The following STAMBPL1 variants were observed in gnomAD, a reference collection of about 807,000 sequenced individuals.
STAMBPL1 encodes the protein AMSH-like protease.
In STAMBPL1, 44 loss-of-function variants were observed where a neutral mutation model predicts 52.9. That is an observed-to-expected ratio of 0.83 (90% confidence interval 0.65 to 1.07). The LOEUF (loss-of-function observed/expected upper bound fraction) is 1.07. Ranked by LOEUF, STAMBPL1 falls within the 50% of genes least tolerant of loss-of-function variation. The probability of loss-of-function intolerance (pLI) is 0.00; values close to 1 mark genes in which losing one functional copy is unlikely to be tolerated. For synonymous variants in STAMBPL1, 164 were observed against 177.3 expected, an observed-to-expected ratio of 0.92 and a Z score of 0.60; for missense variants, 511 against 520.8, an observed-to-expected ratio of 0.98 and a Z score of 0.18.
intron 1 of STAMBPL1, among the ~76,000 whole-genome samples, chr10:88,886,816 C>T (rs1027067852): frequency 3.9e-5 from 6 of 152,116 alleles, no homozygotes; most frequent in Non-Finnish European, 1.5e-5. Flanking sequence ...TTCAAACTTG[C>T]CTGCTAGTGC....
intron 4 of STAMBPL1, 98 bp downstream of exon 4, chr10:88,908,875 G>A: frequency 1.0e-6 from 1 of 981,908 alleles, no homozygotes; most frequent in Non-Finnish European, 1.5e-6. Context: ...TTTCTCTTGA[G>A]AGTTTGAGCG....
At chr10:88,914,679 T>A in intron 7 of STAMBPL1, 21 bp downstream of exon 7, 1 of 677,500 alleles carries the variant, frequency 1.5e-6, no homozygotes, top group Non-Finnish European at 1.9e-6. Context: ...TTTATATAAA[T>A]ATATATATAT....
Position 88,880,343 on chromosome 10 carries a change from G to A in STAMBPL1, c.-349G>A, listed in dbSNP as rs1019827752. 2 of 152,288 alleles carry A rather than the reference G, an allele frequency of 1.3e-5. No homozygotes were observed. The highest frequency in any genetic ancestry group is 1.3e-4 in the Admixed American group (2 of 15,292). The allele number at this position is 152,288 out of a possible 1,614,324, so 9.4% of individuals were successfully genotyped here. A position where few individuals can be genotyped will look rare whatever the true frequency, so the allele number is the denominator to read the frequency against. ...GCGTGGGCTTGCGAGGACGCTGTTC[G>A]TCCCCTGCGCTGGGGTGTCCGACAG... On this transcript the variant is annotated 5_prime_UTR_variant, in exon 1 of 11. Transcript: ENST00000371926.
intron 2 of STAMBPL1, among the ~76,000 whole-genome samples, chr10:88,904,571 G>A (rs564850727): frequency 6.6e-6 from 1 of 152,320 alleles, no homozygotes; most frequent in South Asian, 2.1e-4. Context: ...CTGAATTCAA[G>A]TTGCAATGGA....
chr10:88,910,319 A>G lies in STAMBPL1; in HGVS notation c.325-597A>G, dbSNP rs533004897. ...TCCTCAACTCTAAAAAAGAAGAGGTAGTTGGACTATATAAGAATTCCCAGA... is the reference window on the plus strand; with the variant it reads ...TCCTCAACTCTAAAAAAGAAGAGGTGGTTGGACTATATAAGAATTCCCAGA... On this transcript the variant is annotated intron_variant, in intron 4 of 10. Coordinates refer to ENST00000371926, the MANE Select transcript of STAMBPL1 (RefSeq NM_020799.4). 7.2e-5 allele frequency among the ~76,000 whole-genome samples: 11 copies of G among 152,274 alleles called. No individual in the cohort carries two copies. The South Asian group carries it at 1.0e-3, about 14-fold the overall frequency.
intron 8 of STAMBPL1, among the ~76,000 whole-genome samples, chr10:88,918,560 A>G (rs185744857): frequency 6.6e-6 from 1 of 152,302 alleles, no homozygotes; most frequent in East Asian, 1.9e-4. Context: ...GTCAAATGCA[A>G]GAAATTATTT....
intron 1 of STAMBPL1, among the ~76,000 whole-genome samples, chr10:88,894,094 T>A (rs756557448): frequency 2.0e-5 from 3 of 152,170 alleles, no homozygotes; most frequent in Non-Finnish European, 4.4e-5. Context: ...CCAAGCATTG[T>A]GCTATATGTT....
chr10:88,914,553 G>A lies in STAMBPL1; in HGVS notation c.798G>A (p.Leu266=). 6.5e-7 allele frequency: 1 copy of A among 1,535,540 alleles called. No homozygotes were observed. The highest frequency in any genetic ancestry group is 2.5e-5 in the East Asian group (1 of 39,892). ...SAVQNLVVEG[L]RCVVLPEDLC... ...TCTTAGATTTAGTGGTTGAAGGACT[G>A]CGATGTGTAGTTTTGCCAGAAGATC... is the stretch of plus-strand genomic sequence containing the variant. Residue 266 remains leucine, a synonymous_variant, in exon 7 of 11, where the codon CTG becomes CTA. Coordinates refer to ENST00000371926, the MANE Select transcript of STAMBPL1 (RefSeq NM_020799.4).
At chr10:88,905,695 T>C (rs1421533460) in intron 3 of STAMBPL1, 35 bp downstream of exon 3, 1 of 1,532,808 alleles carries the variant, frequency 6.5e-7, no homozygotes, top group Admixed American at 1.8e-5. Context: ...GTGAGAAAAT[T>C]GGAAAAATAT....
chr10:88,921,237 G>T lies in STAMBPL1; in HGVS notation c.1042-46G>T, dbSNP rs1181012250. The T allele has an allele frequency of 2.7e-6, 4 of 1,488,828 alleles. No homozygotes were observed. The East Asian group carries it at 9.1e-5, about 34-fold the overall frequency. 92.2% of individuals were successfully genotyped at this position (1,488,828 alleles called of 1,614,324 possible). Reference sequence around the variant, plus strand: ...TCTATTAAAATAGCCTATGGCCTTGGCTAAGACAGCTATCCTAGTAAGATT... The same window carrying T: ...TCTATTAAAATAGCCTATGGCCTTGTCTAAGACAGCTATCCTAGTAAGATT... On this transcript the variant is annotated intron_variant, in intron 8 of 10. Coordinates refer to ENST00000371926, the MANE Select transcript of STAMBPL1 (RefSeq NM_020799.4).
intron 6 of STAMBPL1, 109 bp downstream of exon 6, chr10:88,913,567 C>G (rs569856325): frequency 3.4e-6 from 3 of 893,104 alleles, no homozygotes; most frequent in African/African-American, 3.3e-5. Context: ...TGTAGTAGGA[C>G]CCCTGCATAA....
In STAMBPL1 at chr10:88,910,333, A is replaced by C. The variant is rs551053831; in HGVS notation, c.325-583A>C. 8.1e-4 allele frequency among the ~76,000 whole-genome samples: 123 copies of C among 152,300 alleles called. 1 individual carries two copies. Among genetic ancestry groups the C allele is most frequent in the African/African-American group, 2.8e-3 (118 of 41,566 alleles). On this transcript the variant is annotated intron_variant, in intron 4 of 10. Coordinates refer to ENST00000371926, the MANE Select transcript of STAMBPL1 (RefSeq NM_020799.4). ...AAAGAAGAGGTAGTTGGACTATATA[A>C]GAATTCCCAGATTTTCCTGCCATTA...
intron 1 of STAMBPL1, among the ~76,000 whole-genome samples, chr10:88,888,294 C>T (rs942767895): frequency 1.3e-5 from 2 of 152,132 alleles, no homozygotes; most frequent in Non-Finnish European, 2.9e-5. Context: ...CTGGCAGGCG[C>T]TGAGTTACTA....
intron 7 of STAMBPL1, among the ~76,000 whole-genome samples, chr10:88,915,488 C>T (rs1253055539): frequency 2.0e-5 from 3 of 152,202 alleles, no homozygotes; most frequent in Non-Finnish European, 4.4e-5. Context: ...CATCTATAGT[C>T]GCCTCTGTTG....
intron 4 of STAMBPL1, among the ~76,000 whole-genome samples, chr10:88,910,328 A>G (rs1433572059): frequency 1.3e-5 from 2 of 152,164 alleles, no homozygotes; most frequent in African/African-American, 4.8e-5. Flanking sequence ...TAGTTGGACT[A>G]TATAAGAATT....
At chr10:88,905,398 T>TA in intron 2 of STAMBPL1, 45 bp from the exon 3 acceptor site, 1 of 1,458,444 alleles carries the variant, frequency 6.9e-7, no homozygotes, top group Non-Finnish European at 9.6e-7. Context: ...ATCCTTTTCT[T>TA]ACTATAATCA....
At chr10:88,887,153 T>C (rs1844555844) in intron 1 of STAMBPL1, among the ~76,000 whole-genome samples, 1 of 152,174 alleles carries the variant, frequency 6.6e-6, no homozygotes. Context: ...AAGAGAGGCC[T>C]GAAATATGCC....
chr10:88,881,142 C>A (rs78546647), intron 1 of STAMBPL1, among the ~76,000 whole-genome samples: 403 of 152,232 alleles, frequency 2.6e-3, no homozygotes, highest in African/African-American at 8.8e-3. Context: ...TACTTTTATG[C>A]CCTTTATGAG....
chr10:88,910,946 G>A lies in STAMBPL1; in HGVS notation c.355G>A (p.Asp119Asn). 1 of 1,597,290 alleles carries A rather than the reference G, an allele frequency of 6.3e-7. No individual in the cohort carries two copies. The highest frequency in any genetic ancestry group is 2.3e-5 in the East Asian group (1 of 44,356). Residue 119 changes from aspartate (D) to asparagine (N), a missense_variant, in exon 5 of 11, where the codon GAT (aspartate) becomes AAT (asparagine). This residue lies in a region of STAMBPL1 where 358 missense variants were observed against 343.5 expected (regional missense o/e 1.04). Transcript: ENST00000371926. Reference protein sequence around the residue: ...KLKEIAFPRTDELKNDLLKKY... With the variant: ...KLKEIAFPRTNELKNDLLKKY... ...GAAGGAGATTGCATTCCCAAGGACA[G>A]ATGAATTGAAAAACGACCTTTTAAA... is the stretch of plus-strand genomic sequence containing the variant.
Sources: allele counts gnomAD v4.1 joint callset (sites outside exome capture counted in the v4.1 genomes callset), GRCh38; gene constraint gnomAD v4.1.1; regional missense constraint gnomAD v4.1.1; transcripts MANE v1.5; gene names NCBI Gene and HGNC (gene_info 2026-07-23, HGNC 2026-07-21).